The following VEZT variants were observed in gnomAD, a reference collection of about 807,000 sequenced individuals.
The protein encoded by VEZT is vezatin.
Under a neutral mutation model 79.9 loss-of-function variants are expected in VEZT, and 39 were observed. The observed-to-expected ratio is 0.49, with a 90% CI of 0.38 to 0.64. VEZT has a LOEUF of 0.64. Ranked by LOEUF, VEZT falls within the 30% of genes least tolerant of loss-of-function variation. VEZT has a pLI of 0.00. For missense variants in VEZT, 837 were observed against 893.1 expected, an observed-to-expected ratio of 0.94 and a Z score of 0.80; for synonymous variants, 325 against 327.6, an observed-to-expected ratio of 0.99 and a Z score of 0.09.
intron 1 of VEZT, among the ~76,000 whole-genome samples, chr12:95,218,820 A>G (rs2057121850): frequency 6.6e-6 from 1 of 152,238 alleles, no homozygotes; most frequent in South Asian, 2.1e-4. Context: ...CCAGTACGCG[A>G]TATCCGAGGT....
chr12:95,279,083 T>C (rs1161885046), intron 7 of VEZT, among the ~76,000 whole-genome samples: 1 of 152,196 alleles, frequency 6.6e-6, no homozygotes, highest in Non-Finnish European at 1.5e-5. Context: ...CATAAATAAA[T>C]AAATTAATTG....
Position 95,252,924 on chromosome 12 carries a change from C to G in VEZT, c.168+853C>G, listed in dbSNP as rs112314686. Among the ~76,000 whole-genome samples the G allele has an allele frequency of 9.7e-3, 1,481 of 152,204 alleles. 4 individuals are homozygous for G. The highest frequency in any genetic ancestry group is 0.017 in the Middle Eastern group (5 of 294). ...AGGTGGCAGTGAACCAAGATTGTGC[C>G]ATTGCACTCCAGCCTGGGCAACAAG... On this transcript the variant is annotated intron_variant, in intron 2 of 11. Coordinates refer to ENST00000436874, the MANE Select transcript of VEZT (RefSeq NM_017599.4).
rs566901193 is a variant in VEZT, at chr12:95,292,109, A to T, written c.1523-2163A>T. ...GCCACCACATCCGGCCTCTTGCTAG[A>T]TTTTTGTTAAATGGATTGCATGCTG... On this transcript the variant is annotated intron_variant, in intron 9 of 11. Transcript: ENST00000436874. 3.3e-5 allele frequency among the ~76,000 whole-genome samples: 5 copies of T among 152,210 alleles called. No homozygotes were observed. In the South Asian group the frequency reaches 1.0e-3, roughly 32 times the overall value.
At chr12:95,281,349 A>G (rs148910459) in intron 7 of VEZT, among the ~76,000 whole-genome samples, 1 of 152,236 alleles carries the variant, frequency 6.6e-6, no homozygotes, top group Non-Finnish European at 1.5e-5. Context: ...ATGGTGGTAC[A>G]TGCCTGTGTT....
chr12:95,230,206 C>T (rs772424785), intron 1 of VEZT, among the ~76,000 whole-genome samples: 1 of 151,756 alleles, frequency 6.6e-6, no homozygotes, highest in Admixed American at 6.6e-5. Flanking sequence ...TTATTATTCC[C>T]ACTATAGGAA....
intron 2 of VEZT, among the ~76,000 whole-genome samples, chr12:95,256,185 G>A (rs964536290): frequency 2.6e-5 from 4 of 152,032 alleles, no homozygotes; most frequent in African/African-American, 9.7e-5. Context: ...CCGAGTAGCT[G>A]GGATTACAGG....
At chr12:95,278,803 T>G (rs2068345546) in intron 7 of VEZT, among the ~76,000 whole-genome samples, 1 of 152,238 alleles carries the variant, frequency 6.6e-6, no homozygotes, top group African/African-American at 2.4e-5. Flanking sequence ...GCACCGTGGC[T>G]CACGCCTGTA....
chr12:95,220,673 G>A (rs1051288552), intron 1 of VEZT, among the ~76,000 whole-genome samples: 74 of 151,808 alleles, frequency 4.9e-4, no homozygotes, highest in African/African-American at 1.6e-3. Context: ...TTATTTGTGA[G>A]ATTCGTCCAT....
intron 1 of VEZT, among the ~76,000 whole-genome samples, chr12:95,245,270 T>C (rs532235315): frequency 2.0e-5 from 3 of 152,198 alleles, no homozygotes; most frequent in Admixed American, 6.5e-5. Flanking sequence ...TTATCTTGTT[T>C]CTCAGAGTGT....
intron 1 of VEZT, chr12:95,242,241 A>C (rs2061121219): frequency 6.6e-6 from 1 of 152,176 alleles, no homozygotes; most frequent in South Asian, 2.1e-4. Flanking sequence ...CACACTTGTA[A>C]TCCCAGCACT....
At chr12:95,276,259 C>CTTTTTTTTTTTTTTTTTTTTTT (rs35034660) in intron 7 of VEZT, among the ~76,000 whole-genome samples, 2 of 75,156 alleles carry the variant, frequency 2.7e-5, no homozygotes, top group Non-Finnish European at 4.7e-5. Flanking sequence ...TAATTTTTTT[C>CTTTTTTTTTTTTTTTTTTTTTT]TTTTTTTTTT....
chr12:95,232,540 T>C, intron 1 of VEZT, among the ~76,000 whole-genome samples: 1 of 152,162 alleles, frequency 6.6e-6, no homozygotes, highest in East Asian at 1.9e-4. Flanking sequence ...ATTACACAGT[T>C]TCGGGCTTTT....
chr12:95,239,198 A>G (rs867053077), intron 1 of VEZT, among the ~76,000 whole-genome samples: 3 of 152,174 alleles, frequency 2.0e-5, no homozygotes, highest in Non-Finnish European at 2.9e-5. Context: ...TTAAATTTTT[A>G]GTATAAAAGT....
At chr12:95,221,292 C>T (rs955219973) in intron 1 of VEZT, among the ~76,000 whole-genome samples, 2 of 152,166 alleles carry the variant, frequency 1.3e-5, no homozygotes, top group African/African-American at 4.8e-5. Context: ...TTGGACCAAC[C>T]GTGGCTCACG....
At chr12:95,289,130 A>AAATG (rs1321131943) in intron 9 of VEZT, among the ~76,000 whole-genome samples, 76 of 147,586 alleles carry the variant, frequency 5.1e-4, no homozygotes, top group African/African-American at 1.8e-3. Context: ...ATAAATAAAT[A>AAATG]AAAAAGGCCA....
intron 1 of VEZT, among the ~76,000 whole-genome samples, chr12:95,246,933 C>G (rs1384592239): frequency 6.6e-6 from 1 of 152,176 alleles, no homozygotes; most frequent in African/African-American, 2.4e-5. Flanking sequence ...AAAAACACCC[C>G]TTTCTAAAGC....
In VEZT at chr12:95,300,327, G is replaced by T; in HGVS notation, c.1994G>T (p.Cys665Phe). The change falls in exon 12 of 12, where the codon TGT becomes TTT. Residue 665 changes from cysteine to phenylalanine, a missense_variant. Coordinates refer to ENST00000436874, the MANE Select transcript of VEZT (RefSeq NM_017599.4). ...DNEISRTEYL[C>F]ENSLEGKNKD... ...GAAATAAGTAGGACTGAGTATTTAT[G>T]TGAAAACTCTCTAGAAGGTAAAAAT... 6.2e-7 allele frequency: 1 copy of T among 1,611,028 alleles called. No homozygotes were observed. The highest frequency in any genetic ancestry group is 8.5e-7 in the Non-Finnish European group (1 of 1,178,462).
intron 5 of VEZT, 110 bp downstream of exon 5, chr12:95,266,742 C>G (rs2065617866): frequency 8.7e-7 from 1 of 1,149,518 alleles, no homozygotes; most frequent in Non-Finnish European, 1.2e-6. Context: ...AAAAAAAGTG[C>G]TTTTCTCTTT....
chr12:95,300,119 AGGTCC>A, intron 11 of VEZT, 41 bp from the exon 12 acceptor site: 3 of 1,112,792 alleles, frequency 2.7e-6, no homozygotes, highest in Non-Finnish European at 3.6e-6. Context: ...AATCATTGCT[AGGTCC>A]TTAGTTATTT....
Sources: gnomAD v4.1 joint callset for allele counts (sites outside exome capture counted in the v4.1 genomes callset) on GRCh38, gnomAD v4.1.1 for gene constraint, MANE v1.5 for transcripts, NCBI Gene and HGNC (gene_info 2026-07-23, HGNC 2026-07-21) for gene names.